DLG5: variants seen among roughly 807,000 people sequenced by gnomAD.
The protein encoded by DLG5 is disks large homolog 5.
In DLG5, 48 loss-of-function variants were observed where a neutral mutation model predicts 189.8. That is an observed-to-expected ratio of 0.25 (90% CI 0.20 to 0.32). The LOEUF (loss-of-function observed/expected upper bound fraction) is 0.32. DLG5 is among the 10% of genes least tolerant of loss of function. DLG5 has a pLI of 1.00. For synonymous variants in DLG5, 1,016 were observed against 1,054.1 expected (o/e 0.96, Z 0.70); for missense variants, 2,160 against 2,544.7 (o/e 0.85, Z 3.25).
chr10:77,910,264 T>G (rs1007704535), intron 1 of DLG5, among the ~76,000 whole-genome samples: 1 of 152,196 alleles, frequency 6.6e-6, no homozygotes, highest in Non-Finnish European at 1.5e-5. Flanking sequence ...ATCAAAAAAC[T>G]GACAAGGACT....
chr10:77,939,462 T>A, the DLG5 span, among the ~76,000 whole-genome samples: 1 of 152,138 alleles, frequency 6.6e-6, no homozygotes, highest in Non-Finnish European at 1.5e-5. Flanking sequence ...CACCAACCCT[T>A]CCACGGCATT....
At chr10:77,845,811 G>A (rs1480076455) in intron 5 of DLG5, among the ~76,000 whole-genome samples, 1 of 151,914 alleles carries the variant, frequency 6.6e-6, no homozygotes, top group African/African-American at 2.4e-5. Context: ...GCAGTACACA[G>A]GTATCTCAGG....
rs141244869 is a variant in DLG5, at chr10:77,829,028, G to A, written c.2186-43C>T. ...TCACTGGGTAGCCCCTGGCCTCGCT[G>A]CCCAGCCCTGGGTCACCCTACCTCA... On this transcript the variant is annotated intron_variant, in intron 12 of 31. Transcript: ENST00000372391. 511 of 1,584,798 alleles carry A rather than the reference G, an allele frequency of 3.2e-4. 2 individuals carry two copies. In the East Asian group the frequency reaches 6.0e-3, roughly 19 times the overall value.
At chr10:77,824,854 G>A (rs556587132) in intron 13 of DLG5, 10 of 183,436 alleles carry the variant, frequency 5.5e-5, no homozygotes, top group East Asian at 1.5e-4. Context: ...CATGTGGCTC[G>A]GGAGAGCGGG....
rs779100504 is a variant in DLG5, at chr10:77,833,958, G to A, written c.1704C>T (p.Thr568=). The stretch of plus-strand genomic sequence containing the variant: ...GGCTGACATCATTCTTCTGCTTGCG[G>A]GTGTCATCCAGGCTGCGCAGGGCCT... ...LAEALRSLDD[T]RKQKNDVSRE... is the part of the protein sequence containing the mutation. Residue 568 remains threonine (T), a synonymous_variant, in exon 9 of 32, where the codon ACC becomes ACT. Transcript: ENST00000372391. 1 of 1,607,068 alleles carries A rather than the reference G, an allele frequency of 6.2e-7. No individual in the cohort carries two copies. The highest frequency in any genetic ancestry group is 2.2e-5 in the East Asian group (1 of 44,826).
In DLG5 at chr10:77,829,382, G is replaced by A. The variant is rs1842795814; in HGVS notation, c.2158C>T (p.Leu720=). Residue 720 remains leucine, a synonymous_variant, in exon 12 of 32, where the codon CTG becomes TTG. Coordinates refer to ENST00000372391, the MANE Select transcript of DLG5 (RefSeq NM_004747.4). ...KSLGGKVVTP[L]HINLSGQKDS... is the part of the protein sequence containing the mutation. ...TTCTGTCCACTGAGGTTGATGTGCAGCGGCGTGACCACCTTCCCACCCAGG... is the reference window on the plus strand; with the variant it reads ...TTCTGTCCACTGAGGTTGATGTGCAACGGCGTGACCACCTTCCCACCCAGG... 1.2e-6 allele frequency: 2 copies of A among 1,614,192 alleles called. No homozygotes were observed. The highest frequency in any genetic ancestry group is 1.7e-6 in the Non-Finnish European group (2 of 1,180,050).
At chr10:77,812,999 G>A (rs1002982301) in intron 20 of DLG5, among the ~76,000 whole-genome samples, 2 of 152,276 alleles carry the variant, frequency 1.3e-5, no homozygotes, top group Admixed American at 1.3e-4. Context: ...ACTGCATGGT[G>A]GAAGACCTGG....
rs193299208 is a variant in DLG5, at chr10:77,803,505, T to C, written c.5164+2160A>G. ...AGAAAAAGATAAACTGTGCCAAAGATAACCAAAAGAAAACTGGTAATGTCA... is the reference window on the plus strand; with the variant it reads ...AGAAAAAGATAAACTGTGCCAAAGACAACCAAAAGAAAACTGGTAATGTCA... On this transcript the variant is annotated intron_variant, in intron 27 of 31. Transcript: ENST00000372391. Among the ~76,000 whole-genome samples the C allele has an allele frequency of 2.0e-4, 31 of 152,244 alleles. No individual in the cohort carries two copies. In the East Asian group the frequency reaches 6.0e-3, roughly 29 times the overall value.
chr10:77,882,347 A>T (rs912858912), intron 1 of DLG5, among the ~76,000 whole-genome samples: 7 of 152,174 alleles, frequency 4.6e-5, no homozygotes, highest in Admixed American at 1.3e-4. Flanking sequence ...TACAGTCAGT[A>T]TTTCACAGGC....
At chr10:77,826,974 A>G (rs947850673) in intron 13 of DLG5, among the ~76,000 whole-genome samples, 8 of 152,136 alleles carry the variant, frequency 5.3e-5, no homozygotes, top group Non-Finnish European at 1.0e-4. Flanking sequence ...AACAAAAACA[A>G]AAAGCAAGAT....
chr10:77,794,113 G>C lies in DLG5; in HGVS notation c.5551C>G (p.Gln1851Glu), dbSNP rs1840782288. Residue 1851 changes from glutamine to glutamate, a missense_variant, in exon 31 of 32, where the codon CAG becomes GAG. Physicochemically the swap from Gln to Glu is conservative, Grantham distance 29. Transcript: ENST00000372391. ...TCCCTCAGGTAGATGGGGTCTCTCT[G>C]CTCCCTGTGGGGACAGCCAGACACC... Reference protein sequence around the residue: ...HYKSAKHIKEQRDPIYLRDKV... With the variant: ...HYKSAKHIKEERDPIYLRDKV... The C allele has an allele frequency of 6.2e-7, 1 of 1,613,738 alleles. No individual in the cohort carries two copies. Among genetic ancestry groups the C allele is most frequent in the Non-Finnish European group, 8.5e-7 (1 of 1,179,812 alleles).
intron 9 of DLG5, among the ~76,000 whole-genome samples, chr10:77,832,781 A>G (rs1295393032): frequency 6.6e-6 from 1 of 152,196 alleles, no homozygotes; most frequent in Admixed American, 6.5e-5. Flanking sequence ...CAGAGATTCT[A>G]GGCTTTCCCT....
chr10:77,905,169 T>A (rs983098342), intron 1 of DLG5, among the ~76,000 whole-genome samples: 2 of 152,048 alleles, frequency 1.3e-5, no homozygotes, highest in Admixed American at 1.3e-4. Flanking sequence ...TTGTCATTTT[T>A]AAAAATATTT....
At chr10:77,875,815 G>GA (rs1269061743) in intron 1 of DLG5, among the ~76,000 whole-genome samples, 46 of 146,954 alleles carry the variant, frequency 3.1e-4, no homozygotes, top group African/African-American at 8.3e-4. Flanking sequence ...AGGTGGCAGG[G>GA]AAAAAAAAAA....
intron 24 of DLG5, among the ~76,000 whole-genome samples, chr10:77,809,070 G>A (rs1259637768): frequency 1.3e-5 from 2 of 149,022 alleles, no homozygotes; most frequent in Admixed American, 6.7e-5. Flanking sequence ...CTGCACTCCA[G>A]CCTGGGCAAC....
chr10:77,888,671 C>T (rs772299984), intron 1 of DLG5, among the ~76,000 whole-genome samples: 6 of 152,132 alleles, frequency 3.9e-5, no homozygotes, highest in Non-Finnish European at 8.8e-5. Context: ...AATCCACCTG[C>T]GCACCAACAC....
rs1842799710 is a variant in DLG5, at chr10:77,829,459, G to A, written c.2081C>T (p.Ala694Val). 3 of 1,613,998 alleles carry A rather than the reference G, an allele frequency of 1.9e-6. No homozygotes were observed. Among genetic ancestry groups the A allele is most frequent in the Non-Finnish European group, 2.5e-6 (3 of 1,180,034 alleles). The stretch of plus-strand genomic sequence containing the variant: ...GATGGCCCCCTCCCCATTGAGGAGC[G>A]CCTTGATGGCCTGCTTCTTGTCCTT... ...INKDKKQAIKALLNGEGAINM... is the reference protein window; with the variant it reads ...INKDKKQAIKVLLNGEGAINM... The change falls in exon 12 of 32, where the codon GCG becomes GTG. Residue 694 changes from alanine to valine, a missense_variant. By Grantham distance (64) the Ala-to-Val change is moderately conservative (BLOSUM62 0). Coordinates refer to ENST00000372391, the MANE Select transcript of DLG5 (RefSeq NM_004747.4).
At chr10:77,891,134 C>T (rs570934048) in intron 1 of DLG5, among the ~76,000 whole-genome samples, 1 of 152,292 alleles carries the variant, frequency 6.6e-6, no homozygotes, top group South Asian at 2.1e-4. Flanking sequence ...ATGACCTGCT[C>T]CCCTATCTCC....
rs1362077458 is a variant in DLG5 at position 77,926,641 on chromosome 10, G to C, written c.-121C>G. On this transcript the variant is annotated 5_prime_UTR_variant, in exon 1 of 32. Transcript: ENST00000372391. The surrounding 1 kb of genome is among the most constrained non-coding windows in gnomAD (Gnocchi z 5.2). ...CGCCGGGAGCCGTGAGGCGGCGGGA[G>C]CCATGGGCCGGGGCCTGGGCGGGCT... 8 of 738,930 alleles carry C rather than the reference G, an allele frequency of 1.1e-5. No individual in the cohort carries two copies. In the Admixed American group the frequency reaches 1.8e-4, roughly 16 times the overall value. 45.8% of individuals were successfully genotyped at this position (738,930 alleles called of 1,614,324 possible).
Sources: gnomAD v4.1 joint callset for allele counts (sites outside exome capture counted in the v4.1 genomes callset) on GRCh38, gnomAD v4.1.1 for gene constraint, Gnocchi (gnomAD v3.1) non-coding constraint, MANE v1.5 for transcripts, NCBI Gene and HGNC (gene_info 2026-07-23, HGNC 2026-07-21) for gene names.